CRAT: variants seen among roughly 807,000 people sequenced by gnomAD.
CRAT encodes the protein carnitine acetylase.
CRAT carries 66 observed loss-of-function variants against 73.7 expected under a neutral mutation model. The observed-to-expected ratio is 0.90, with a 90% CI of 0.73 to 1.10. The LOEUF is 1.10. CRAT is among the 50% of genes least tolerant of loss of function. CRAT has a pLI of 0.00. For synonymous variants in CRAT, 321 were observed against 343.2 expected (o/e 0.94, Z 0.71); for missense variants, 745 against 846.9 (o/e 0.88, Z 1.49).
Position 129,100,434 on chromosome 9 carries a change from G to A in CRAT, c.984+77C>T. 5 of 1,488,920 alleles carry A rather than the reference G, an allele frequency of 3.4e-6. No individual in the cohort carries two copies. In the South Asian group the frequency reaches 6.5e-5, roughly 19 times the overall value. 92.2% of individuals were successfully genotyped at this position (1,488,920 alleles called of 1,614,324 possible). On this transcript the variant is annotated intron_variant, in intron 7 of 13. Transcript: ENST00000318080. Reference sequence around the variant, plus strand: ...TAGGAGGCTGGGGACGCAGGGCCGGGGACGGGCAGGAAGTCCCGAGGCTGC... The same window carrying A: ...TAGGAGGCTGGGGACGCAGGGCCGGAGACGGGCAGGAAGTCCCGAGGCTGC...
At chr9:129,096,398 C>T (rs1847286505) in intron 12 of CRAT, among the ~76,000 whole-genome samples, 1 of 152,258 alleles carries the variant, frequency 6.6e-6, no homozygotes, top group African/African-American at 2.4e-5. Flanking sequence ...CCCATCCTGG[C>T]TGCAGGGCCT....
At chr9:129,101,850 G>A (rs1847689694) in intron 6 of CRAT, 33 bp downstream of exon 6, 2 of 1,605,644 alleles carry the variant, frequency 1.2e-6, no homozygotes, top group Non-Finnish European at 1.7e-6. Context: ...AGAGGCCTGG[G>A]TGTGCAGCCC....
rs1278601238 is a variant in CRAT, at chr9:129,106,328, A to G, written c.291+1486T>C. Among the ~76,000 whole-genome samples the G allele has an allele frequency of 6.6e-6, 1 of 152,102 alleles. No homozygotes were observed. Among genetic ancestry groups the G allele is most frequent in the East Asian group, 1.9e-4 (1 of 5,202 alleles). ...CTGGGCCTTAGTTTTCCTCATCTGT[A>G]GATCAGTGAAGGGCAGACAGGAGCT... On this transcript the variant is annotated intron_variant, in intron 2 of 13. Transcript: ENST00000318080. The surrounding 1 kb of genome is among the most constrained non-coding windows in gnomAD (Gnocchi z 4.0).
chr9:129,105,916 G>A (rs956481575), intron 2 of CRAT, among the ~76,000 whole-genome samples: 1 of 152,082 alleles, frequency 6.6e-6, no homozygotes, highest in African/African-American at 2.4e-5. Flanking sequence ...GTCTGGCGCT[G>A]CGCACACTCC....
chr9:129,104,721 C>T (rs1847895177), intron 2 of CRAT, among the ~76,000 whole-genome samples: 1 of 151,480 alleles, frequency 6.6e-6, no homozygotes, highest in Non-Finnish European at 1.5e-5. Flanking sequence ...TCTCCTGCCT[C>T]AGCCTCCTGA....
intron 5 of CRAT, among the ~76,000 whole-genome samples, 168 bp downstream of exon 5, chr9:129,102,232 G>A (rs2274476): frequency 0.017 from 2,530 of 152,298 alleles, 61 homozygotes; most frequent in East Asian, 0.11. Context: ...GCAGGCCCAC[G>A]GCCCCTCCTG....
intron 5 of CRAT, 126 bp downstream of exon 5, chr9:129,102,274 G>A: frequency 7.2e-7 from 1 of 1,385,934 alleles, no homozygotes. Flanking sequence ...AGAAGCCAGG[G>A]GCGCCCATTC....
intron 8 of CRAT, 76 bp downstream of exon 8, chr9:129,099,790 A>G (rs1438253958): frequency 1.7e-6 from 2 of 1,151,136 alleles, no homozygotes; most frequent in African/African-American, 3.1e-5. Flanking sequence ...ATATTTCTCT[A>G]TAAGCTGGTC....
chr9:129,109,394 G>T, intron 1 of CRAT: 2 of 736,346 alleles, frequency 2.7e-6, no homozygotes, highest in Non-Finnish European at 4.0e-6. Context: ...ACCCATCTGA[G>T]CCATCCCTCT....
chr9:129,095,290 AG>A lies in CRAT; in HGVS notation c.*106del. 8.2e-7 allele frequency: 1 copy of A among 1,213,690 alleles called. No homozygotes were observed. The highest frequency in any genetic ancestry group is 1.2e-6 in the Non-Finnish European group (1 of 856,852). The allele number at this position is 1,213,690 out of a possible 1,614,324, so 75.2% of individuals were successfully genotyped here. The stretch of plus-strand genomic sequence containing the variant: ...GTGGCTCAGTAGATTTGGGGGGACC[AG>A]GGAAGAGGGAACCAAGGAAGAGGGA... On this transcript the variant is annotated 3_prime_UTR_variant, in exon 14 of 14. Transcript: ENST00000318080.
intron 1 of CRAT, chr9:129,108,791 A>G (rs749159243): frequency 7.7e-7 from 1 of 1,304,290 alleles, no homozygotes; most frequent in South Asian, 1.2e-5. Flanking sequence ...GTCCTCCTCC[A>G]TGGCAGGACT....
rs1847207957 is a variant in CRAT, at chr9:129,095,364, G to T, written c.*33C>A. On this transcript the variant is annotated 3_prime_UTR_variant, in exon 14 of 14. Coordinates refer to ENST00000318080, the MANE Select transcript of CRAT (RefSeq NM_000755.5). ...GGTGGCCCATCCCAGGGTGGGCTTG[G>T]CTGTGGCATTGGCAGGCCTGAGTCC... The T allele has an allele frequency of 6.2e-7, 1 of 1,601,656 alleles. No homozygotes were observed. Among genetic ancestry groups the T allele is most frequent in the Non-Finnish European group, 8.5e-7 (1 of 1,176,958 alleles).
chr9:129,110,456 C>A lies in CRAT; in HGVS notation c.27+27G>T. 6.4e-7 allele frequency: 1 copy of A among 1,565,374 alleles called. No individual in the cohort carries two copies. The highest frequency in any genetic ancestry group is 1.4e-5 in the African/African-American group (1 of 71,818). On this transcript the variant is annotated intron_variant, in intron 1 of 13. Coordinates refer to ENST00000318080, the MANE Select transcript of CRAT (RefSeq NM_000755.5). The surrounding 1 kb of genome is among the most constrained non-coding windows in gnomAD (Gnocchi z 5.3). ...CGGCCCGCCCAGGCCGTCCAGGGCC[C>A]TCAGGCCCGGGATCCGCCGCACTCA...
intron 6 of CRAT, 110 bp from the exon 7 acceptor site, chr9:129,100,799 C>T: frequency 7.4e-7 from 1 of 1,348,162 alleles, no homozygotes; most frequent in South Asian, 1.5e-5. Context: ...CCATTTGTAC[C>T]TCTCTGGGAT....
rs1847734280 is a variant in CRAT at position 129,102,405 on chromosome 9, A to G, written c.625T>C (p.Tyr209His). Residue 209 changes from tyrosine (Y) to histidine (H), a missense_variant, in exon 5 of 14, where the codon TAC (tyrosine) becomes CAC (histidine). By Grantham distance (83) the Tyr-to-His change is moderately conservative (BLOSUM62 2). Transcript: ENST00000318080. ...TGTGGGTGGGGGCCACCCACCTGGT[A>G]GTTGTGTACCACGGTGATGTGCGTG... ...PPTHITVVHN[Y>H]QFFELDVYHS... 1 of 1,613,926 alleles carries G rather than the reference A, an allele frequency of 6.2e-7. No homozygotes were observed. Among genetic ancestry groups the G allele is most frequent in the African/African-American group, 1.3e-5 (1 of 74,926 alleles).
intron 1 of CRAT, 95 bp from the exon 2 acceptor site, chr9:129,108,172 T>TG: frequency 7.0e-7 from 1 of 1,421,670 alleles, no homozygotes; most frequent in Non-Finnish European, 9.2e-7. Flanking sequence ...TGCCCATCCC[T>TG]GGGGGCAGAG....
rs1176306475 is a variant in CRAT, at chr9:129,102,011, G to A, written c.677C>T (p.Ala226Val). ...CTCCAGCTGCACAAAGATCTGATCC[G>A]CAGTGAGGGGTGTCCCGTCACTGTG... Reference protein sequence around the residue: ...VYHSDGTPLTADQIFVQLEKI... With the variant: ...VYHSDGTPLTVDQIFVQLEKI... Residue 226 changes from alanine to valine, a missense_variant, in exon 6 of 14, where the codon GCG becomes GTG. By Grantham distance (64) the Ala-to-Val change is moderately conservative. Transcript: ENST00000318080. 9.3e-6 allele frequency: 15 copies of A among 1,614,052 alleles called. No homozygotes were observed. The highest frequency in any genetic ancestry group is 1.1e-5 in the Non-Finnish European group (13 of 1,180,014).
chr9:129,108,285 G>A (rs914672664), intron 1 of CRAT: 46 of 1,002,004 alleles, frequency 4.6e-5, no homozygotes, highest in Non-Finnish European at 6.1e-5. Context: ...GGGGAGGGTG[G>A]GGTGTGGCCA....
At position 129,102,488 on chromosome 9, in the gene CRAT, C is replaced by T. The variant is rs768159322; in HGVS notation, c.542G>A (p.Arg181Gln). The T allele has an allele frequency of 8.1e-6, 13 of 1,613,950 alleles. No homozygotes were observed. The highest frequency in any genetic ancestry group is 4.5e-5 in the East Asian group (2 of 44,882). The change falls in exon 5 of 14, where the codon CGA becomes CAA. Residue 181 changes from arginine (R) to glutamine (Q), a missense_variant. Transcript: ENST00000318080. ...NQYYQILSSC[R>Q]VPGPKQDTVS... is the part of the protein sequence containing the mutation. ...TGTGTCCTGCTTGGGGCCCGGCACT[C>T]GGCAGGAGGACAAGATCTGATAGTA...
Sources: gnomAD v4.1 joint callset for allele counts (sites outside exome capture counted in the v4.1 genomes callset) on GRCh38, gnomAD v4.1.1 for gene constraint, Gnocchi (gnomAD v3.1) non-coding constraint, MANE v1.5 for transcripts, NCBI Gene and HGNC (gene_info 2026-07-23, HGNC 2026-07-21) for gene names.